Variants in RABGAP1L observed in about 807,000 individuals in gnomAD.
The protein encoded by RABGAP1L is rab GTPase-activating protein 1-like.
In RABGAP1L, 63 loss-of-function variants were observed where a neutral mutation model predicts 137.7. The ratio of observed to expected loss-of-function variants is 0.46; its 90% confidence interval spans 0.37 to 0.56. RABGAP1L has a LOEUF of 0.56. Ranked by LOEUF, RABGAP1L falls within the 20% of genes least tolerant of loss-of-function variation. RABGAP1L has a pLI of 0.00. For synonymous variants in RABGAP1L, 431 were observed against 433.7 expected (o/e 0.99, Z 0.08); for missense variants, 1,095 against 1,244.0 (o/e 0.88, Z 1.80).
chr1:174,769,326 A>G (rs1685927252), intron 18 of RABGAP1L, among the ~76,000 whole-genome samples: 1 of 152,128 alleles, frequency 6.6e-6, no homozygotes, highest in Non-Finnish European at 1.5e-5. Context: ...GTGGGGCCAC[A>G]GGAGCAGTTG....
chr1:174,230,343 C>T (rs1308470761), intron 3 of RABGAP1L, among the ~76,000 whole-genome samples: 4 of 151,884 alleles, frequency 2.6e-5, no homozygotes, highest in Admixed American at 6.6e-5. Context: ...CACATATATA[C>T]GTATGTAACA....
At chr1:174,617,763 A>G (rs1319070379) in intron 13 of RABGAP1L, among the ~76,000 whole-genome samples, 2 of 152,204 alleles carry the variant, frequency 1.3e-5, no homozygotes, top group African/African-American at 4.8e-5. Context: ...CCAAATAGGA[A>G]CAGCTCCAGT....
At chr1:174,184,068 C>T (rs1051778366) in intron 1 of RABGAP1L, among the ~76,000 whole-genome samples, 18 of 152,056 alleles carry the variant, frequency 1.2e-4, no homozygotes, top group Admixed American at 3.9e-4. Context: ...GGGGTTTCAC[C>T]GTGTTAGCCA....
chr1:174,900,908 C>T (rs1206108784), intron 19 of RABGAP1L, among the ~76,000 whole-genome samples: 1 of 152,022 alleles, frequency 6.6e-6, no homozygotes, highest in Non-Finnish European at 1.5e-5. Flanking sequence ...GTTATTTTCT[C>T]CCCATCTCTT....
At chr1:174,918,924 G>A (rs1661339856) in intron 19 of RABGAP1L, among the ~76,000 whole-genome samples, 1 of 152,116 alleles carries the variant, frequency 6.6e-6, no homozygotes, top group Non-Finnish European at 1.5e-5. Context: ...GCTTGAGGTG[G>A]GAGAATTGCT....
chr1:174,652,914 G>T (rs771673758), intron 14 of RABGAP1L, among the ~76,000 whole-genome samples: 31 of 152,168 alleles, frequency 2.0e-4, no homozygotes, highest in Admixed American at 2.0e-3. Context: ...CCTTCCCCCA[G>T]GTGCTCTGTC....
intron 13 of RABGAP1L, among the ~76,000 whole-genome samples, chr1:174,577,387 G>A (rs1668460104): frequency 6.6e-6 from 1 of 151,100 alleles, no homozygotes. Context: ...ATACATTTTT[G>A]GTCCCTAAGT....
At chr1:174,288,695 G>A (rs12066504) in intron 10 of RABGAP1L, among the ~76,000 whole-genome samples, 42,704 of 151,836 alleles carry the variant, frequency 0.28, 6,557 homozygotes, top group African/African-American at 0.39. Context: ...AGACTTTTCA[G>A]CCTGTTTGGA....
At chr1:174,470,066 C>A (rs1193466236) in intron 13 of RABGAP1L, among the ~76,000 whole-genome samples, 3 of 152,114 alleles carry the variant, frequency 2.0e-5, no homozygotes, top group Non-Finnish European at 2.9e-5. Flanking sequence ...TGATCAAATC[C>A]TCTCTACAGC....
intron 7 of RABGAP1L, 81 bp from the exon 8 acceptor site, chr1:174,272,333 T>C (rs1674622990): frequency 1.9e-5 from 27 of 1,432,186 alleles, no homozygotes; most frequent in Non-Finnish European, 2.4e-5. Context: ...TGTATAGTTA[T>C]TGTAAAAAGG....
At chr1:174,726,709 A>G (rs1280019590) in intron 17 of RABGAP1L, among the ~76,000 whole-genome samples, 1 of 152,058 alleles carries the variant, frequency 6.6e-6, no homozygotes, top group African/African-American at 2.4e-5. Flanking sequence ...GTATGGTGCC[A>G]TCTGCTGTTT....
chr1:174,183,316 G>C (rs556448327), intron 1 of RABGAP1L, among the ~76,000 whole-genome samples: 1 of 152,078 alleles, frequency 6.6e-6, no homozygotes, highest in South Asian at 2.1e-4. Context: ...CGGCTCACTG[G>C]GGTGTTGCTT....
At chr1:174,682,272 C>T (rs1678119817) in intron 14 of RABGAP1L, among the ~76,000 whole-genome samples, 1 of 83,332 alleles carries the variant, frequency 1.2e-5, no homozygotes, top group African/African-American at 4.2e-5. Flanking sequence ...CAAAGCAAAA[C>T]TCTCTCTCTC....
intron 11 of RABGAP1L, among the ~76,000 whole-genome samples, chr1:174,338,891 GAAGAA>G (rs1299871392): frequency 2.0e-5 from 3 of 152,084 alleles, no homozygotes; most frequent in Non-Finnish European, 2.9e-5. Flanking sequence ...AATAAAAAAA[GAAGAA>G]AAGTGTGTTA....
chr1:174,635,610 T>C (rs1391034179), intron 13 of RABGAP1L, among the ~76,000 whole-genome samples: 2 of 151,606 alleles, frequency 1.3e-5, no homozygotes, highest in East Asian at 3.8e-4. Flanking sequence ...TTTCTCTGTA[T>C]CCTTTTACTG....
At chr1:174,383,817 C>A (rs1452166315) in intron 12 of RABGAP1L, among the ~76,000 whole-genome samples, 1 of 151,524 alleles carries the variant, frequency 6.6e-6, no homozygotes, top group African/African-American at 2.4e-5. Flanking sequence ...CTCCTCCTCG[C>A]AACTGCAACT....
intron 13 of RABGAP1L, among the ~76,000 whole-genome samples, chr1:174,495,689 G>A (rs1660672681): frequency 1.3e-5 from 2 of 152,008 alleles, no homozygotes; most frequent in Admixed American, 1.3e-4. Context: ...TATAGTTCTA[G>A]ATTGGTACAT....
rs1218844734 is a variant in RABGAP1L, at chr1:174,250,549, A to T, written c.792A>T (p.Ser264=). The T allele has an allele frequency of 1.9e-6, 3 of 1,613,644 alleles. No homozygotes were observed. The Admixed American group carries it at 5.0e-5, about 27-fold the overall frequency. The change falls in exon 6 of 26, where the codon TCA becomes TCT. Residue 264 remains serine, a synonymous_variant. Coordinates refer to ENST00000681986, the MANE Select transcript of RABGAP1L (RefSeq NM_001366446.1). ...GACAAGTGTCTGATGTTAAAGACTC[A>T]GTTATTCCTACCCCCGACAGTGATG... The part of the protein sequence containing the change: ...SSRQVSDVKD[S]VIPTPDSDVF...
At chr1:174,195,798 T>TTTCTTTCTTTCTTTCTTTCTATCC (rs1163421673) in intron 1 of RABGAP1L, among the ~76,000 whole-genome samples, 5,178 of 127,164 alleles carry the variant, frequency 0.041, 221 homozygotes, top group Non-Finnish European at 0.066. Context: ...TCTTTCTTTC[T>TTTCTTTCTTTCTTTCTTTCTATCC]TTCTTTCTTT....
Sources: gnomAD v4.1 joint callset for allele counts (sites outside exome capture counted in the v4.1 genomes callset) on GRCh38, gnomAD v4.1.1 for gene constraint, MANE v1.5 for transcripts, NCBI Gene and HGNC (gene_info 2026-07-23, HGNC 2026-07-21) for gene names.